The following NRG3 variants were observed in gnomAD, a reference collection of about 807,000 sequenced individuals.
The protein encoded by NRG3 is neuregulin 3, also known as pro-neuregulin-3, membrane-bound isoform.
NRG3 carries 31 observed loss-of-function variants against 66.9 expected under a neutral mutation model. The observed-to-expected ratio is 0.46, with a 90% CI of 0.35 to 0.63. The LOEUF (loss-of-function observed/expected upper bound fraction) is 0.63. Ranked by LOEUF, NRG3 falls within the 20% of genes least tolerant of loss-of-function variation. The probability of loss-of-function intolerance (pLI) is 0.00; values close to 1 mark genes in which losing one functional copy is unlikely to be tolerated. For synonymous variants in NRG3, 393 were observed against 359.4 expected (o/e 1.09, Z -1.06); for missense variants, 910 against 878.9 (o/e 1.04, Z -0.45).
At chr10:82,741,211 C>G (rs17100651) in intron 3 of NRG3, among the ~76,000 whole-genome samples, 14,056 of 152,160 alleles carry the variant, frequency 0.092, 844 homozygotes, top group East Asian at 0.2. Flanking sequence ...AGTATTTTCT[C>G]AGCATCCACC....
At chr10:82,668,067 C>G (rs2052943176) in intron 2 of NRG3, among the ~76,000 whole-genome samples, 1 of 152,170 alleles carries the variant, frequency 6.6e-6, no homozygotes, top group Admixed American at 6.6e-5. Flanking sequence ...TCCTCCCTCC[C>G]TCCCTTATTT....
chr10:82,766,952 C>T (rs1346878113), intron 3 of NRG3, among the ~76,000 whole-genome samples: 1 of 149,840 alleles, frequency 6.7e-6, no homozygotes, highest in Non-Finnish European at 1.5e-5. Flanking sequence ...AAATCTAGTA[C>T]TCTACGAAGA....
rs529510764 is a variant in NRG3 at position 82,654,250 on chromosome 10, CT to C, written c.954-84326del. Reference sequence around the variant, plus strand: ...ATTTTACTATTCTCAAGAATTTTATCTCTCATTGCAGGCTTTTTGGCAGGTA... The same window carrying C: ...ATTTTACTATTCTCAAGAATTTTATCCTCATTGCAGGCTTTTTGGCAGGTA... On this transcript the variant is annotated intron_variant, in intron 2 of 8. Transcript: ENST00000372141. Among the ~76,000 whole-genome samples, 18 of 152,240 alleles carry C rather than the reference CT, an allele frequency of 1.2e-4. No homozygotes were observed. In the East Asian group the frequency reaches 3.5e-3, roughly 29 times the overall value.
intron 2 of NRG3, among the ~76,000 whole-genome samples, chr10:82,637,382 G>A (rs2133783421): frequency 6.6e-6 from 1 of 152,176 alleles, no homozygotes; most frequent in Admixed American, 6.5e-5. Flanking sequence ...ATTTGTTGAG[G>A]AACAGGATAT....
intron 3 of NRG3, among the ~76,000 whole-genome samples, chr10:82,859,673 G>C (rs1037411809): frequency 6.6e-6 from 1 of 152,180 alleles, no homozygotes; most frequent in Non-Finnish European, 1.5e-5. Context: ...AGAAGAAAAA[G>C]TTCAAGGGAA....
intron 4 of NRG3, among the ~76,000 whole-genome samples, chr10:82,927,228 A>G (rs909863663): frequency 3.3e-5 from 5 of 152,092 alleles, no homozygotes; most frequent in African/African-American, 1.2e-4. Flanking sequence ...CTCTTTATTT[A>G]CCCAGCACAA....
intron 2 of NRG3, among the ~76,000 whole-genome samples, chr10:82,492,333 A>G (rs1186826887): frequency 6.6e-6 from 1 of 152,212 alleles, no homozygotes; most frequent in Non-Finnish European, 1.5e-5. Flanking sequence ...ATGCAGAACC[A>G]AAGTGAACTA....
chr10:82,414,747 C>CAG lies in NRG3; in HGVS notation c.953+55891_953+55892dup, dbSNP rs1377407075. Among the ~76,000 whole-genome samples the CAG allele has an allele frequency of 4.6e-5, 7 of 151,936 alleles. 1 individual carries two copies. Among genetic ancestry groups the CAG allele is most frequent in the East Asian group, 1.9e-4 (1 of 5,190 alleles). ...CAGAAGATATATGTGTGTGAGCACA[C>CAG]AGAGAGAGAGAGATGATTGATTTTG... On this transcript the variant is annotated intron_variant, in intron 2 of 8. Transcript: ENST00000372141.
chr10:81,880,681 A>G (rs372333127), intron 1 of NRG3, among the ~76,000 whole-genome samples: 1 of 152,188 alleles, frequency 6.6e-6, no homozygotes, highest in East Asian at 1.9e-4. Context: ...ACATATCTCA[A>G]TATTCTATCT....
At chr10:82,865,998 T>TTTCAAAGCA (rs1840691867) in intron 4 of NRG3, among the ~76,000 whole-genome samples, 1 of 152,198 alleles carries the variant, frequency 6.6e-6, no homozygotes, top group South Asian at 2.1e-4. Flanking sequence ...ATGGTGTATG[T>TTTCAAAGCA]TTCAAAGCAT....
intron 4 of NRG3, among the ~76,000 whole-genome samples, chr10:82,935,391 C>T (rs1345200585): frequency 2.0e-5 from 3 of 152,150 alleles, no homozygotes; most frequent in African/African-American, 7.2e-5. Context: ...ACCACAAGTA[C>T]ACAAGGCTCT....
At chr10:82,790,156 A>G (rs1342075573) in intron 3 of NRG3, among the ~76,000 whole-genome samples, 1 of 152,042 alleles carries the variant, frequency 6.6e-6, no homozygotes, top group East Asian at 1.9e-4. Context: ...TGTCTCTAAT[A>G]TTTATTTATG....
At chr10:82,697,908 T>G (rs1455384404) in intron 2 of NRG3, among the ~76,000 whole-genome samples, 6 of 152,134 alleles carry the variant, frequency 3.9e-5, no homozygotes, top group Non-Finnish European at 1.5e-5. Context: ...TTTTTGAGGC[T>G]GTGACAGTCC....
chr10:82,705,892 A>G (rs545066355), intron 2 of NRG3, among the ~76,000 whole-genome samples: 1 of 152,324 alleles, frequency 6.6e-6, no homozygotes, highest in East Asian at 1.9e-4. Flanking sequence ...TTCATACAAT[A>G]TATGAAAACA....
At chr10:82,377,457 T>TGTGTGTGTGTGCGC (rs57900993) in intron 2 of NRG3, among the ~76,000 whole-genome samples, 4 of 150,344 alleles carry the variant, frequency 2.7e-5, no homozygotes, top group Admixed American at 6.6e-5. Context: ...TGTGTGTGTG[T>TGTGTGTGTGTGCGC]GCGCGAGCGC....
chr10:82,228,954 A>G (rs2076309016), intron 1 of NRG3: 1 of 152,332 alleles, frequency 6.6e-6, no homozygotes, highest in Admixed American at 6.5e-5. Flanking sequence ...TCAGACAGTG[A>G]AGCAAGCTTC....
At chr10:82,352,346 C>T (rs2083486291) in intron 1 of NRG3, among the ~76,000 whole-genome samples, 1 of 151,906 alleles carries the variant, frequency 6.6e-6, no homozygotes, top group Non-Finnish European at 1.5e-5. Flanking sequence ...GGGTGAGGCT[C>T]ATTTTTGTTA....
chr10:82,530,371 A>G (rs2132636884), intron 2 of NRG3, among the ~76,000 whole-genome samples: 1 of 152,160 alleles, frequency 6.6e-6, no homozygotes, highest in South Asian at 2.1e-4. Context: ...AAATTTACAA[A>G]TATGTTTAAT....
In NRG3 at chr10:82,046,075, T is replaced by C. The variant is rs1357742390; in HGVS notation, c.823+169912T>C. ...GGCTCTTTTTTGGTTCCATATGAAC[T>C]TTAAAGTAGTTTTTTCCAATTCTGT... is the stretch of plus-strand genomic sequence containing the variant. On this transcript the variant is annotated intron_variant, in intron 1 of 8. Transcript: ENST00000372141. Among the ~76,000 whole-genome samples the C allele has an allele frequency of 3.5e-5, 5 of 142,408 alleles. No individual in the cohort carries two copies. The South Asian group carries it at 1.1e-3, about 32-fold the overall frequency. The allele number at this position is 142,408 out of a possible 152,430, so 93.4% of individuals were successfully genotyped here. A position where few individuals can be genotyped will look rare whatever the true frequency, so the allele number is the denominator to read the frequency against.
Sources: allele counts gnomAD v4.1 joint callset (sites outside exome capture counted in the v4.1 genomes callset), GRCh38; gene constraint gnomAD v4.1.1; transcripts MANE v1.5; gene names NCBI Gene and HGNC (gene_info 2026-07-23, HGNC 2026-07-21).